ANO6: variants seen among roughly 807,000 people sequenced by gnomAD.
ANO6 encodes the protein anoctamin-6.
A neutral mutation model predicts 117.5 loss-of-function variants in ANO6; 106 were observed. That is an observed-to-expected ratio of 0.90 (90% CI 0.77 to 1.06). The LOEUF (loss-of-function observed/expected upper bound fraction) is 1.06. Among genes scored for constraint, ANO6 ranks in the 50% least tolerant of loss-of-function variants. ANO6 has a pLI of 0.00. For synonymous variants in ANO6, 367 were observed against 385.1 expected, an observed-to-expected ratio of 0.95 and a Z score of 0.55; for missense variants, 955 against 1,121.1, an observed-to-expected ratio of 0.85 and a Z score of 2.12.
downstream of ANO6, among the ~76,000 whole-genome samples, chr12:45,435,509 A>G (rs1215035761): frequency 6.6e-6 from 1 of 152,250 alleles, no homozygotes; most frequent in African/African-American, 2.4e-5. Context: ...TCTGTGAACC[A>G]GAGCCTGAGG....
chr12:45,300,086 A>G (rs1242080717), intron 1 of ANO6, among the ~76,000 whole-genome samples: 3 of 152,194 alleles, frequency 2.0e-5, no homozygotes, highest in South Asian at 2.1e-4. Flanking sequence ...CTTCTCTTCT[A>G]TAAAAGCTTT....
intron 9 of ANO6, among the ~76,000 whole-genome samples, chr12:45,369,493 T>C (rs1941768251): frequency 6.7e-6 from 1 of 149,698 alleles, no homozygotes; most frequent in Admixed American, 6.6e-5. Context: ...CTGTGTGCAT[T>C]TTTTTGTTTT....
At chr12:45,362,624 T>C (rs1456612620) in intron 8 of ANO6, among the ~76,000 whole-genome samples, 1 of 152,174 alleles carries the variant, frequency 6.6e-6, no homozygotes, top group Non-Finnish European at 1.5e-5. Context: ...ATTCCTTCAT[T>C]ACTACTTTTT....
At chr12:45,329,993 A>G (rs1333596679) in intron 2 of ANO6, among the ~76,000 whole-genome samples, 2 of 152,154 alleles carry the variant, frequency 1.3e-5, no homozygotes, top group Admixed American at 1.3e-4. Context: ...AGCCTAAGAC[A>G]TGGATGTGTC....
chr12:45,325,458 A>G (rs1212087542), intron 2 of ANO6, among the ~76,000 whole-genome samples: 1 of 152,150 alleles, frequency 6.6e-6, no homozygotes, highest in Admixed American at 6.6e-5. Context: ...GAGGATAATC[A>G]TTCACTCTCA....
At chr12:45,323,891 G>A (rs1437891463) in intron 2 of ANO6, among the ~76,000 whole-genome samples, 1 of 148,846 alleles carries the variant, frequency 6.7e-6, no homozygotes, top group African/African-American at 2.5e-5. Flanking sequence ...ATAGTCAGCT[G>A]AAAACATTTT....
chr12:45,218,811 A>G (rs1947354161), intron 1 of ANO6, among the ~76,000 whole-genome samples: 1 of 152,210 alleles, frequency 6.6e-6, no homozygotes, highest in African/African-American at 2.4e-5. Context: ...GTCTGTATTT[A>G]CGCTATTAAC....
intron 8 of ANO6, among the ~76,000 whole-genome samples, chr12:45,365,972 T>G (rs1941674058): frequency 1.3e-5 from 2 of 152,216 alleles, no homozygotes; most frequent in South Asian, 4.1e-4. Flanking sequence ...TACTCAGCTA[T>G]TCTAGGAAAG....
At chr12:45,308,167 G>T (rs1216703889) in intron 2 of ANO6, among the ~76,000 whole-genome samples, 3 of 145,332 alleles carry the variant, frequency 2.1e-5, no homozygotes, top group Non-Finnish European at 4.5e-5. Flanking sequence ...TTGTCAGGTA[G>T]TGGGAGCAGT....
chr12:45,332,959 AT>A (rs965211016), intron 3 of ANO6, among the ~76,000 whole-genome samples: 20 of 149,744 alleles, frequency 1.3e-4, no homozygotes, highest in South Asian at 4.2e-4. Context: ...TTTCAAATCA[AT>A]TTTTTTTTTC....
At chr12:45,298,041 C>G (rs1228715367) in intron 1 of ANO6, among the ~76,000 whole-genome samples, 4 of 152,160 alleles carry the variant, frequency 2.6e-5, no homozygotes, top group African/African-American at 9.6e-5. Flanking sequence ...TTTGTTGAAC[C>G]TGATTTTGAA....
At chr12:45,378,835 A>G (rs529463624) in intron 10 of ANO6, among the ~76,000 whole-genome samples, 10 of 152,134 alleles carry the variant, frequency 6.6e-5, no homozygotes, top group Non-Finnish European at 1.3e-4. Flanking sequence ...ATACACTTCT[A>G]TGTGAGCGGA....
intron 10 of ANO6, among the ~76,000 whole-genome samples, chr12:45,386,242 T>C (rs1942295111): frequency 1.3e-5 from 2 of 152,198 alleles, no homozygotes; most frequent in African/African-American, 4.8e-5. Context: ...TCTTATTCTC[T>C]CATGGCCCCA....
chr12:45,383,783 T>G (rs1206402603), intron 10 of ANO6, among the ~76,000 whole-genome samples: 1 of 152,232 alleles, frequency 6.6e-6, no homozygotes, highest in East Asian at 1.9e-4. Flanking sequence ...TTGTTCCATT[T>G]AGATTACAGG....
exon 20 of ANO6, chr12:45,439,978 A>G (rs1943752850): frequency 2.8e-6 from 4 of 1,448,092 alleles, no homozygotes; most frequent in Middle Eastern, 2.5e-4. Context: ...TTGTGTGTCT[A>G]TTATGTGGCC....
chr12:45,348,366 T>C (rs1249597212), intron 5 of ANO6, 51 bp downstream of exon 5: 6 of 1,611,324 alleles, frequency 3.7e-6, no homozygotes, highest in Non-Finnish European at 5.1e-6. Flanking sequence ...TGGAACCTGC[T>C]GTTTTGTGGT....
chr12:45,361,283 C>T, intron 8 of ANO6, among the ~76,000 whole-genome samples: 1 of 151,966 alleles, frequency 6.6e-6, no homozygotes, highest in Non-Finnish European at 1.5e-5. Flanking sequence ...ATTCTAAGTA[C>T]ATTGTTCTTT....
intron 1 of ANO6, chr12:45,292,799 A>T (rs1159755773): frequency 6.7e-7 from 1 of 1,492,338 alleles, no homozygotes; most frequent in Admixed American, 2.3e-5. Flanking sequence ...CTCTTCTCAG[A>T]AATATTGCTG....
At chr12:45,380,459 C>T (rs1336897969) in intron 10 of ANO6, among the ~76,000 whole-genome samples, 1 of 152,240 alleles carries the variant, frequency 6.6e-6, no homozygotes, top group Non-Finnish European at 1.5e-5. Context: ...ACTAGCTGCA[C>T]TTGGGGATCA....
Sources: gnomAD v4.1 joint callset for allele counts (sites outside exome capture counted in the v4.1 genomes callset) on GRCh38, gnomAD v4.1.1 for gene constraint, MANE v1.5 for transcripts, NCBI Gene and HGNC (gene_info 2026-07-23, HGNC 2026-07-21) for gene names.